The following ZNF529 variants were observed in gnomAD, a reference collection of about 807,000 sequenced individuals.
ZNF529 encodes the protein zinc finger protein 529.
Under a neutral mutation model 10.1 loss-of-function variants are expected in ZNF529, and 11 were observed. The observed-to-expected ratio is 1.09, with a 90% CI of 0.69 to 1.81. ZNF529 has a LOEUF of 1.81. Ranked by LOEUF, ZNF529 falls within the 40% of genes most tolerant of loss-of-function variation. The pLI, the probability that ZNF529 is intolerant of heterozygous loss-of-function variation, is 0.00. For synonymous variants in ZNF529, 204 were observed against 215.7 expected (o/e 0.95, Z 0.47); for missense variants, 624 against 666.8 (o/e 0.94, Z 0.71).
chr19:36,554,256 C>G (rs1469535782), intron 4 of ZNF529, among the ~76,000 whole-genome samples: 1 of 152,184 alleles, frequency 6.6e-6, no homozygotes, highest in Non-Finnish European at 1.5e-5. Flanking sequence ...GAAAGCATGC[C>G]TTTGAAATCA....
chr19:36,602,849 G>C (rs1002188238), intron 1 of ZNF529, among the ~76,000 whole-genome samples: 2 of 150,722 alleles, frequency 1.3e-5, no homozygotes, highest in Admixed American at 6.6e-5. Context: ...AGAATCGCTT[G>C]AACCCAGAAG....
rs2035028193 is a variant in ZNF529 at position 36,546,529 on chromosome 19, A to G, written c.*337T>C. The G allele has an allele frequency of 4.8e-6, 1 of 206,254 alleles. No homozygotes were observed. The highest frequency in any genetic ancestry group is 5.3e-5 in the Admixed American group (1 of 18,974). The allele number at this position is 206,254 out of a possible 1,614,324, so 12.8% of individuals were successfully genotyped here. ...CACAAGCAAAGAATTACAATGCAGA[A>G]AAGATATTGAAGTAATATTACAATT... is the stretch of plus-strand genomic sequence containing the variant. On this transcript the variant is annotated 3_prime_UTR_variant, in exon 5 of 5. Transcript: ENST00000591340.
At chr19:36,574,772 C>A (rs1472330325), upstream of ZNF529, 2 of 469,280 alleles carry the variant, frequency 4.3e-6, no homozygotes, top group East Asian at 6.9e-5. Flanking sequence ...AAATATACCA[C>A]AATTTGTGTA....
At position 36,544,552 on chromosome 19, in the gene ZNF529, T is replaced by C. The variant is rs2034942608; in HGVS notation, c.*2314A>G. The C allele has an allele frequency of 6.6e-6, 1 of 152,144 alleles. No homozygotes were observed. Among genetic ancestry groups the C allele is most frequent in the Admixed American group, 6.6e-5 (1 of 15,260 alleles). The allele number at this position is 152,144 out of a possible 1,614,324, so 9.4% of individuals were successfully genotyped here. ...CATTAGCACTGATGGTAACTCAGGA[T>C]AAAAAGGGAGAATGAGATCCAAGAG... On this transcript the variant is annotated 3_prime_UTR_variant, in exon 5 of 5. Coordinates refer to ENST00000591340, the MANE Select transcript of ZNF529 (RefSeq NM_020951.5).
chr19:36,560,516 G>A (rs1220868677), intron 2 of ZNF529, among the ~76,000 whole-genome samples: 11 of 152,038 alleles, frequency 7.2e-5, no homozygotes, highest in African/African-American at 2.7e-4. Flanking sequence ...CAAATGAGGA[G>A]AACCCAAAGT....
chr19:36,600,088 C>A lies in ZNF529; in HGVS notation c.-128+5038G>T, dbSNP rs12461436. 5.5e-3 allele frequency among the ~76,000 whole-genome samples: 834 copies of A among 152,080 alleles called. 23 individuals are homozygous for A. Among genetic ancestry groups the A allele is most frequent in the Admixed American group, 0.037 (568 of 15,264 alleles). On this transcript the variant is annotated intron_variant, in intron 1 of 4. Coordinates refer to the ZNF529 transcript ENST00000585960. ...TTCACCATGTTGGTCAGGCTAGTCT[C>A]GAACTCCTAACCTCAGGTGATCCAC...
At chr19:36,583,883 CTG>C (rs931046634) in intron 2 of ZNF529, among the ~76,000 whole-genome samples, 9 of 151,382 alleles carry the variant, frequency 5.9e-5, no homozygotes, top group Admixed American at 5.3e-4. Context: ...AGATGAGAAA[CTG>C]AGACATGGAA....
At chr19:36,550,846 T>C (rs889561383) in intron 4 of ZNF529, among the ~76,000 whole-genome samples, 3 of 152,152 alleles carry the variant, frequency 2.0e-5, no homozygotes, top group African/African-American at 7.2e-5. Flanking sequence ...GCTGAAAATG[T>C]AGACTAATGA....
chr19:36,588,226 T>A (rs1191282475), intron 2 of ZNF529, among the ~76,000 whole-genome samples: 1 of 152,150 alleles, frequency 6.6e-6, no homozygotes, highest in Non-Finnish European at 1.5e-5. Context: ...TTTAAATGGG[T>A]GAATTGTATA....
intron 1 of ZNF529, among the ~76,000 whole-genome samples, chr19:36,592,189 G>T (rs981654760): frequency 2.0e-5 from 3 of 151,026 alleles, no homozygotes; most frequent in Non-Finnish European, 4.4e-5. Flanking sequence ...GGAGGCTGAG[G>T]TGGGAGGATC....
chr19:36,594,898 A>T (rs1186655906), intron 1 of ZNF529, among the ~76,000 whole-genome samples: 3 of 139,362 alleles, frequency 2.2e-5, no homozygotes, highest in African/African-American at 2.7e-5. Context: ...TTTTTTTTTG[A>T]GATGGAGTCT....
chr19:36,567,304 T>C (rs1027787638), intron 2 of ZNF529, among the ~76,000 whole-genome samples: 6 of 152,032 alleles, frequency 3.9e-5, no homozygotes, highest in Admixed American at 3.9e-4. Context: ...TGCAAAAGAA[T>C]GAAATTGCAT....
Position 36,546,904 on chromosome 19 carries a change from G to A in ZNF529, c.1654C>T (p.Gln552Ter). The A allele has an allele frequency of 6.2e-7, 1 of 1,611,102 alleles. No homozygotes were observed. Among genetic ancestry groups the A allele is most frequent in the Non-Finnish European group, 8.5e-7 (1 of 1,178,424 alleles). ...TTCTCACCAGTGTAAATTTTCGGTT[G>A]GCAAGTAAGATGCCCAACAACACTA... ...SFSVVGHLTC[Q>*]PKIYTGEKSF... The change falls in exon 5 of 5, where the codon CAA (glutamine) becomes TAA (stop). Residue 552 changes from glutamine to a stop codon, truncating the protein, a stop_gained. Transcript: ENST00000591340. LOFTEE classifies it low-confidence loss of function (END_TRUNC).
intron 2 of ZNF529, among the ~76,000 whole-genome samples, chr19:36,557,770 C>A (rs766363953): frequency 5.9e-5 from 9 of 152,126 alleles, no homozygotes; most frequent in Non-Finnish European, 1.2e-4. Flanking sequence ...CCACTTTCCA[C>A]AAACAAGAGA....
intron 2 of ZNF529, chr19:36,587,581 C>T (rs1199245481): frequency 1.3e-5 from 2 of 152,158 alleles, no homozygotes; most frequent in African/African-American, 2.4e-5. Flanking sequence ...GCATTATTCA[C>T]AGTAGCCAAA....
intron 2 of ZNF529, among the ~76,000 whole-genome samples, chr19:36,557,845 G>A (rs1369380628): frequency 1.3e-5 from 2 of 152,200 alleles, no homozygotes; most frequent in African/African-American, 4.8e-5. Context: ...GAAACTGCTT[G>A]TGAGAGCAAC....
chr19:36,549,404 T>C (rs2035177370), intron 4 of ZNF529, among the ~76,000 whole-genome samples: 1 of 152,174 alleles, frequency 6.6e-6, no homozygotes, highest in South Asian at 2.1e-4. Context: ...AGTAAATCAC[T>C]GTATGAATGA....
chr19:36,570,047 C>A, intron 2 of ZNF529, among the ~76,000 whole-genome samples: 1 of 152,146 alleles, frequency 6.6e-6, no homozygotes, highest in East Asian at 1.9e-4. Flanking sequence ...TTCATGCCCA[C>A]ATGACTGATC....
rs369104424 is a variant in ZNF529, at chr19:36,554,766, T to A, written c.139A>T (p.Asn47Tyr). The change falls in exon 4 of 5, where the codon AAC becomes TAC. Residue 47 changes from asparagine to tyrosine, a missense_variant. Coordinates refer to ENST00000591340, the MANE Select transcript of ZNF529 (RefSeq NM_020951.5). Reference protein sequence around the residue: ...ELVTLRDVVINFSQEEWEYLD... With the variant: ...ELVTLRDVVIYFSQEEWEYLD... Reference sequence around the variant, plus strand: ...TATTCCCATTCCTCCTGAGAGAAGTTGATGACCACATCCCTGAGTGTCACC... The same window carrying A: ...TATTCCCATTCCTCCTGAGAGAAGTAGATGACCACATCCCTGAGTGTCACC... 1,008 of 1,575,864 alleles carry A rather than the reference T, an allele frequency of 6.4e-4. 3 individuals are homozygous for A. Among genetic ancestry groups the A allele is most frequent in the Non-Finnish European group, 8.1e-4 (943 of 1,159,942 alleles).
Sources: allele counts gnomAD v4.1 joint callset (sites outside exome capture counted in the v4.1 genomes callset), GRCh38; gene constraint gnomAD v4.1.1; transcripts MANE v1.5; gene names NCBI Gene and HGNC (gene_info 2026-07-23, HGNC 2026-07-21).